The following MCM9 variants were observed in gnomAD, a reference collection of about 807,000 sequenced individuals.
MCM9 encodes minichromosome maintenance 9 homologous recombination repair factor.
A neutral mutation model predicts 72.8 loss-of-function variants in MCM9; 55 were observed. The ratio of observed to expected loss-of-function variants is 0.76; its 90% CI spans 0.61 to 0.95. The LOEUF (loss-of-function observed/expected upper bound fraction) is 0.95, where lower values mean the gene tolerates loss of function less well. Among genes scored for constraint, MCM9 ranks in the 40% least tolerant of loss-of-function variants. The pLI is 0.00. For missense variants in MCM9, 1,279 were observed against 1,377.0 expected, an observed-to-expected ratio of 0.93 and a Z score of 1.13; for synonymous variants, 480 against 503.4, an observed-to-expected ratio of 0.95 and a Z score of 0.62.
At chr6:118,827,096 T>C (rs975839676) in intron 11 of MCM9, among the ~76,000 whole-genome samples, 1 of 152,206 alleles carries the variant, frequency 6.6e-6, no homozygotes, top group Non-Finnish European at 1.5e-5. Context: ...GAAAAAGTAC[T>C]CTGGGCTCTA....
rs569364584 is a variant in MCM9, at chr6:118,821,616, G to A, written c.1961+4531C>T. On this transcript the variant is annotated intron_variant, in intron 13 of 13. Transcript: ENST00000619706. ...TATATGTCTTGGAGTTGCCCTTCTCGAAGAGTATCTTAGTGGTGTTCTCTG... is the reference window on the plus strand; with the variant it reads ...TATATGTCTTGGAGTTGCCCTTCTCAAAGAGTATCTTAGTGGTGTTCTCTG... Among the ~76,000 whole-genome samples, 4 of 152,170 alleles carry A rather than the reference G, an allele frequency of 2.6e-5. No individual in the cohort carries two copies. The East Asian group carries it at 5.8e-4, about 22-fold the overall frequency.
At chr6:118,929,244 G>A (rs1296726685) in intron 3 of MCM9, among the ~76,000 whole-genome samples, 1 of 152,152 alleles carries the variant, frequency 6.6e-6, no homozygotes, top group East Asian at 1.9e-4. Context: ...CATACCTTGA[G>A]TGAGGCATGC....
chr6:118,923,505 C>T lies in MCM9; in HGVS notation c.621+306G>A, dbSNP rs974553180. Among the ~76,000 whole-genome samples, 8 of 152,262 alleles carry T rather than the reference C, an allele frequency of 5.3e-5. No homozygotes were observed. The East Asian group carries it at 7.7e-4, about 15-fold the overall frequency. On this transcript the variant is annotated intron_variant, in intron 4 of 13. Coordinates refer to ENST00000619706, the MANE Select transcript of MCM9 (RefSeq NM_017696.3). ...TAATCTTCTATCCCTTAGCTAAGAACATTAATTTTCTTCTATTCTTCAGTT... is the reference window on the plus strand; with the variant it reads ...TAATCTTCTATCCCTTAGCTAAGAATATTAATTTTCTTCTATTCTTCAGTT...
chr6:118,816,443 C>G (rs1182172446), intron 13 of MCM9, 149 bp from the exon 14 acceptor site: 1 of 560,756 alleles, frequency 1.8e-6, no homozygotes, highest in Non-Finnish European at 2.8e-6. Context: ...CCTAGAGCAG[C>G]AGAATGAAAT....
chr6:118,929,875 T>C (rs1458153431), intron 3 of MCM9, among the ~76,000 whole-genome samples: 2 of 152,170 alleles, frequency 1.3e-5, no homozygotes, highest in African/African-American at 4.8e-5. Flanking sequence ...TCTAGTACCC[T>C]GATGCATAAT....
rs555881367 is a variant in MCM9, at chr6:118,815,267, G to A, written c.2989C>T (p.Pro997Ser). Residue 997 changes from proline (P) to serine (S), a missense_variant, in exon 14 of 14, where the codon CCA (proline) becomes TCA (serine). Physicochemically the swap from Pro to Ser is moderately conservative, Grantham distance 74. Coordinates refer to ENST00000619706, the MANE Select transcript of MCM9 (RefSeq NM_017696.3). ...TCTCTTGGTCCGTGTTTCTCTGGTG[G>A]CTGCTGCGACACCTCCTTTGTCTCA... ...QGETKEVSQQ[P>S]PEKHGPREKV... is the part of the protein sequence containing the mutation. The A allele has an allele frequency of 6.4e-7, 1 of 1,550,664 alleles. No individual in the cohort carries two copies. The highest frequency in any genetic ancestry group is 1.2e-5 in the South Asian group (1 of 84,052).
At chr6:118,857,025 G>T (rs1351602455) in intron 8 of MCM9, among the ~76,000 whole-genome samples, 1 of 152,206 alleles carries the variant, frequency 6.6e-6, no homozygotes, top group East Asian at 1.9e-4. Flanking sequence ...TCACTGGAAG[G>T]CCTCATAAGC....
chr6:118,846,245 C>T (rs1037745496), intron 9 of MCM9, among the ~76,000 whole-genome samples: 1 of 151,786 alleles, frequency 6.6e-6, no homozygotes, highest in Non-Finnish European at 1.5e-5. Context: ...TAAAACAAAA[C>T]TCATCAAACT....
chr6:118,860,534 C>A (rs145229022), intron 8 of MCM9, among the ~76,000 whole-genome samples: 269 of 152,144 alleles, frequency 1.8e-3, no homozygotes, highest in African/African-American at 6.2e-3. Context: ...GGGACAGAGG[C>A]AATAGGTGAA....
intron 8 of MCM9, among the ~76,000 whole-genome samples, chr6:118,888,832 C>T (rs1161708524): frequency 6.6e-6 from 1 of 152,016 alleles, no homozygotes; most frequent in Non-Finnish European, 1.5e-5. Flanking sequence ...TAAAAGACTA[C>T]ATATTATAAG....
intron 8 of MCM9, among the ~76,000 whole-genome samples, chr6:118,858,231 C>T (rs566292233): frequency 3.3e-5 from 5 of 152,000 alleles, no homozygotes; most frequent in Non-Finnish European, 7.4e-5. Context: ...CAGTGTAATT[C>T]GCCATATCAA....
At chr6:118,877,283 A>G (rs1339122836) in intron 8 of MCM9, among the ~76,000 whole-genome samples, 1 of 152,232 alleles carries the variant, frequency 6.6e-6, no homozygotes, top group Non-Finnish European at 1.5e-5. Context: ...GCAGATCTGT[A>G]AACAAAATAA....
chr6:118,879,079 A>G (rs1778120953), intron 8 of MCM9, among the ~76,000 whole-genome samples: 2 of 152,146 alleles, frequency 1.3e-5, no homozygotes, highest in African/African-American at 2.4e-5. Context: ...AACAGACAAA[A>G]AATACAAAAG....
At chr6:118,902,390 A>G (rs1258960466) in intron 8 of MCM9, among the ~76,000 whole-genome samples, 3 of 152,160 alleles carry the variant, frequency 2.0e-5, no homozygotes, top group Non-Finnish European at 2.9e-5. Context: ...TTAGAACTAC[A>G]TTTTTATTCT....
At chr6:118,892,206 G>A (rs761819487) in intron 8 of MCM9, among the ~76,000 whole-genome samples, 15 of 152,240 alleles carry the variant, frequency 9.9e-5, no homozygotes, top group Non-Finnish European at 1.8e-4. Flanking sequence ...TAATACAAGA[G>A]TTAAGACAGG....
intron 8 of MCM9, among the ~76,000 whole-genome samples, chr6:118,860,696 A>G (rs1020107604): frequency 6.6e-6 from 1 of 152,198 alleles, no homozygotes; most frequent in Non-Finnish European, 1.5e-5. Flanking sequence ...TTAAAAAAAA[A>G]TCATAAAAGA....
chr6:118,933,741 G>A lies in MCM9; in HGVS notation c.-149-1001C>T, dbSNP rs934194603. 1.9e-4 allele frequency among the ~76,000 whole-genome samples: 29 copies of A among 152,118 alleles called. 2 individuals are homozygous for A. Among genetic ancestry groups the A allele is most frequent in the African/African-American group, 6.8e-4 (28 of 41,422 alleles). On this transcript the variant is annotated intron_variant, in intron 1 of 13. Coordinates refer to ENST00000619706, the MANE Select transcript of MCM9 (RefSeq NM_017696.3). ...CTGAGAACCTACTATTCCGCAAGGT[G>A]TGAAACGTTTAAGAAGTACATATAG...
chr6:118,824,289 T>C (rs1774018126), intron 13 of MCM9, among the ~76,000 whole-genome samples: 1 of 152,024 alleles, frequency 6.6e-6, no homozygotes, highest in Non-Finnish European at 1.5e-5. Context: ...TCTGCAAAAA[T>C]CTCCTAAAAG....
intron 5 of MCM9, chr6:118,921,723 C>T (rs1781445497): frequency 3.8e-6 from 1 of 260,312 alleles, no homozygotes; most frequent in Non-Finnish European, 7.2e-6. Context: ...ATCAGTGGTT[C>T]TGGATTCATG....
Sources: allele counts gnomAD v4.1 joint callset (sites outside exome capture counted in the v4.1 genomes callset), GRCh38; gene constraint gnomAD v4.1.1; transcripts MANE v1.5; gene names NCBI Gene and HGNC (gene_info 2026-07-23, HGNC 2026-07-21).